Variants in ARHGAP1 observed in about 807,000 individuals in gnomAD.
The protein encoded by ARHGAP1 is rho GTPase-activating protein 1.
Under a neutral mutation model 52.2 loss-of-function variants are expected in ARHGAP1, and 23 were observed. The observed-to-expected ratio is 0.44, with a 90% CI of 0.32 to 0.62. ARHGAP1 has a LOEUF of 0.62. Among genes scored for constraint, ARHGAP1 ranks in the 20% least tolerant of loss-of-function variants. The pLI, the probability that ARHGAP1 is intolerant of heterozygous loss-of-function variation, is 0.05. For missense variants in ARHGAP1, 480 were observed against 560.9 expected, an observed-to-expected ratio of 0.86 and a Z score of 1.46; for synonymous variants, 210 against 228.4, an observed-to-expected ratio of 0.92 and a Z score of 0.73.
intron 4 of ARHGAP1, 50 bp downstream of exon 4, chr11:46,688,123 A>G (rs1240824917): frequency 1.1e-5 from 17 of 1,562,972 alleles, no homozygotes; most frequent in Non-Finnish European, 1.5e-5. Flanking sequence ...GCATTAGGCT[A>G]CAATGGGGAT....
intron 4 of ARHGAP1, among the ~76,000 whole-genome samples, chr11:46,683,224 T>C (rs913515245): frequency 3.3e-5 from 5 of 151,954 alleles, no homozygotes; most frequent in African/African-American, 1.2e-4. Flanking sequence ...CTTTTTATTT[T>C]GTAGAGACAG....
rs1483526618 is a variant in ARHGAP1, at chr11:46,678,788, CCAGCT to C, written c.*244_*248del. 1 of 519,598 alleles carries C rather than the reference CCAGCT, an allele frequency of 1.9e-6. No individual in the cohort carries two copies. The allele number at this position is 519,598 out of a possible 1,614,324, so 32.2% of individuals were successfully genotyped here. A position where few individuals can be genotyped will look rare whatever the true frequency, so the allele number is the denominator to read the frequency against. On this transcript the variant is annotated 3_prime_UTR_variant, in exon 13 of 13. Transcript: ENST00000311956. ...CCTTCTCCAGCTGGAAGAGCCAAGC[CCAGCT>C]CTGGAGAGCCCAGCAAAAGCCCGGT... is the stretch of plus-strand genomic sequence containing the variant.
chr11:46,686,449 C>T (rs374063444), intron 4 of ARHGAP1, among the ~76,000 whole-genome samples: 12 of 152,054 alleles, frequency 7.9e-5, no homozygotes, highest in African/African-American at 2.7e-4. Flanking sequence ...GACGGAGTCT[C>T]GCTCTGTCGC....
intron 3 of ARHGAP1, chr11:46,694,973 G>A (rs2064641670): frequency 1.2e-5 from 2 of 165,374 alleles, no homozygotes. Flanking sequence ...AGCAAGGATG[G>A]ACAAATGTTA....
chr11:46,692,600 T>C (rs982064386), intron 3 of ARHGAP1, among the ~76,000 whole-genome samples: 4 of 152,090 alleles, frequency 2.6e-5, no homozygotes, highest in African/African-American at 9.7e-5. Context: ...ACTTTGTAAG[T>C]GGGAAGCTTT....
intron 4 of ARHGAP1, 128 bp downstream of exon 4, chr11:46,688,045 G>A: frequency 2.4e-6 from 2 of 835,036 alleles, no homozygotes; most frequent in Non-Finnish European, 3.7e-6. Context: ...GCTCCTTCAT[G>A]AGAAGAGGGA....
chr11:46,695,942 C>T (rs776949454), intron 2 of ARHGAP1, 33 bp downstream of exon 2: 28 of 1,614,076 alleles, frequency 1.7e-5, no homozygotes, highest in Middle Eastern at 3.3e-4. Flanking sequence ...CTCTAAAGCG[C>T]CTGTAGCTGC....
intron 3 of ARHGAP1, among the ~76,000 whole-genome samples, chr11:46,692,854 A>ATT (rs142099026): frequency 4.3e-5 from 6 of 139,756 alleles, no homozygotes; most frequent in Non-Finnish European, 6.2e-5. Context: ...CACCCAGCTA[A>ATT]TTTTTTTTTT....
intron 3 of ARHGAP1, among the ~76,000 whole-genome samples, chr11:46,694,207 C>T (rs1490849078): frequency 1.3e-5 from 2 of 152,178 alleles, no homozygotes; most frequent in African/African-American, 4.8e-5. Context: ...AGCTCCTTTC[C>T]CTTTGGGGCC....
intron 3 of ARHGAP1, among the ~76,000 whole-genome samples, chr11:46,694,222 T>C (rs1340718423): frequency 6.6e-6 from 1 of 151,738 alleles, no homozygotes; most frequent in African/African-American, 2.4e-5. Flanking sequence ...GGGGCCTGGG[T>C]GTGTCCCCAC....
At position 46,681,277 on chromosome 11, in the gene ARHGAP1, GC is replaced by G. The variant is rs780152036; in HGVS notation, c.536+15del. On this transcript the variant is annotated intron_variant, in intron 6 of 12. Transcript: ENST00000311956. This position sits in a 1 kb window ranked among gnomAD's most constrained non-coding sequence, Gnocchi z 5.7. ...CAGGCAAGCCGGGACCACCAGCCCT[GC>G]CCGTGGCCACTCACCTGATGAGGGG... The G allele has an allele frequency of 1.9e-6, 3 of 1,606,126 alleles. No individual in the cohort carries two copies. Among genetic ancestry groups the G allele is most frequent in the Non-Finnish European group, 2.6e-6 (3 of 1,172,726 alleles).
rs748943036 is a variant in ARHGAP1 at position 46,680,546 on chromosome 11, G to A, written c.761C>T (p.Pro254Leu). The A allele has an allele frequency of 6.2e-7, 1 of 1,614,116 alleles. No homozygotes were observed. The highest frequency in any genetic ancestry group is 8.5e-7 in the Non-Finnish European group (1 of 1,180,012). Residue 254 changes from proline (P) to leucine (L), a missense_variant, in exon 9 of 13, where the codon CCA becomes CTA. By Grantham distance (98) the Pro-to-Leu change is moderately conservative. Transcript: ENST00000311956. This position sits in a 1 kb window ranked among gnomAD's most constrained non-coding sequence, Gnocchi z 5.9. ...VSLQHLQEKN[P>L]EQEPIPIVLR... Reference sequence around the variant, plus strand: ...TACAATGGGAATGGGCTCCTGCTCTGGATTCTTCTCCTGGAGGCTGCGGGA... The same window carrying A: ...TACAATGGGAATGGGCTCCTGCTCTAGATTCTTCTCCTGGAGGCTGCGGGA...
chr11:46,686,453 C>T (rs1284479570), intron 4 of ARHGAP1, among the ~76,000 whole-genome samples: 1 of 152,176 alleles, frequency 6.6e-6, no homozygotes, highest in Non-Finnish European at 1.5e-5. Context: ...GAGTCTCGCT[C>T]TGTCGCCCAG....
chr11:46,684,099 A>G (rs2064550571), intron 4 of ARHGAP1, among the ~76,000 whole-genome samples: 1 of 152,196 alleles, frequency 6.6e-6, no homozygotes, highest in South Asian at 2.1e-4. Context: ...TAACCCAGAC[A>G]GAGTATGCTC....
chr11:46,678,917 G>T lies in ARHGAP1; in HGVS notation c.*120C>A. On this transcript the variant is annotated 3_prime_UTR_variant, in exon 13 of 13. Coordinates refer to ENST00000311956, the MANE Select transcript of ARHGAP1 (RefSeq NM_004308.5). ...AGGCGGGCTGGACAGAGGTGGGGGA[G>T]AGCATGCCTGATGGGTGGCTCCAAC... 1 of 1,154,336 alleles carries T rather than the reference G, an allele frequency of 8.7e-7. No individual in the cohort carries two copies. The highest frequency in any genetic ancestry group is 2.5e-5 in the East Asian group (1 of 39,388). The allele number at this position is 1,154,336 out of a possible 1,614,324, so 71.5% of individuals were successfully genotyped here.
At chr11:46,684,541 C>A (rs1416461326) in intron 4 of ARHGAP1, among the ~76,000 whole-genome samples, 1 of 152,050 alleles carries the variant, frequency 6.6e-6, no homozygotes, top group African/African-American at 2.4e-5. Flanking sequence ...GTTAAATCAA[C>A]CACGTGACAA....
intron 1 of ARHGAP1, among the ~76,000 whole-genome samples, chr11:46,699,681 C>T (rs1430857094): frequency 6.7e-6 from 1 of 149,954 alleles, no homozygotes; most frequent in East Asian, 2.0e-4. Context: ...CCAGCCTGGG[C>T]GACAGAGTGA....
intron 2 of ARHGAP1, 52 bp from the exon 3 acceptor site, chr11:46,695,807 C>G: frequency 2.6e-6 from 4 of 1,557,662 alleles, no homozygotes; most frequent in Non-Finnish European, 2.6e-6. Flanking sequence ...GCACCATGCT[C>G]TGCCCCACAG....
chr11:46,689,691 C>G (rs1452763437), intron 3 of ARHGAP1, among the ~76,000 whole-genome samples: 1 of 152,088 alleles, frequency 6.6e-6, no homozygotes, highest in East Asian at 1.9e-4. Context: ...CAGGCGCCTG[C>G]CACCATGCCT....
Sources: gnomAD v4.1 joint callset for allele counts (sites outside exome capture counted in the v4.1 genomes callset) on GRCh38, gnomAD v4.1.1 for gene constraint, Gnocchi (gnomAD v3.1) non-coding constraint, MANE v1.5 for transcripts, NCBI Gene and HGNC (gene_info 2026-07-23, HGNC 2026-07-21) for gene names.